Variants in ABCC6 observed in about 807,000 individuals in gnomAD.
ABCC6 encodes the protein ATP-binding cassette sub-family C member 6.
In ABCC6, 126 loss-of-function variants were observed where a neutral mutation model predicts 169.5. The observed-to-expected ratio is 0.74, with a 90% CI of 0.64 to 0.86. The LOEUF (loss-of-function observed/expected upper bound fraction) is 0.86, where lower values mean the gene tolerates loss of function less well. Ranked by LOEUF, ABCC6 falls within the 40% of genes least tolerant of loss-of-function variation. ABCC6 has a pLI of 0.00. For missense variants in ABCC6, 1,733 were observed against 1,927.2 expected (o/e 0.90, Z 1.89); for synonymous variants, 752 against 814.7 (o/e 0.92, Z 1.31).
chr16:16,175,228 C>T (rs1286155182), intron 20 of ABCC6, among the ~76,000 whole-genome samples: 1 of 152,162 alleles, frequency 6.6e-6, no homozygotes, highest in Non-Finnish European at 1.5e-5. Context: ...GGGGGTCAGC[C>T]CCAATGGTCC....
intron 25 of ABCC6, among the ~76,000 whole-genome samples, 170 bp from the exon 26 acceptor site, chr16:16,159,753 C>T (rs2046656599): frequency 6.6e-6 from 1 of 152,188 alleles, no homozygotes; most frequent in South Asian, 2.1e-4. Flanking sequence ...GATTTGGATA[C>T]AACCAACAGG....
Position 16,182,794 on chromosome 16 carries a change from G to A in ABCC6, c.2070+10C>T, listed in dbSNP as rs928190650. ...GGACATCCTAGCAGACAGGCTGGGG[G>A]TGGCCTCACCTCGATGCTCACGAAC... On this transcript the variant is annotated intron_variant, in intron 16 of 30. Coordinates refer to ENST00000205557, the MANE Select transcript of ABCC6 (RefSeq NM_001171.6). The A allele has an allele frequency of 2.5e-6, 4 of 1,613,914 alleles. No individual in the cohort carries two copies. The East Asian group carries it at 8.9e-5, about 36-fold the overall frequency.
chr16:16,216,132 T>C (rs879126338), intron 4 of ABCC6, among the ~76,000 whole-genome samples: 55 of 150,584 alleles, frequency 3.7e-4, no homozygotes, highest in Middle Eastern at 3.4e-3. Flanking sequence ...ATGTTGCCCA[T>C]GCTGGTCTTG....
intron 21 of ABCC6, among the ~76,000 whole-genome samples, chr16:16,170,906 T>C (rs7498292): frequency 0.99 from 126,320 of 127,906 alleles, 62,393 homozygotes; most frequent in Middle Eastern, 1. Context: ...GCGACAAGAG[T>C]GAAACTCTGT....
At chr16:16,196,865 C>G (rs565478058) in intron 10 of ABCC6, among the ~76,000 whole-genome samples, 10 of 152,138 alleles carry the variant, frequency 6.6e-5, no homozygotes, top group African/African-American at 2.4e-4. Flanking sequence ...CTATGCCCGG[C>G]TAATTTTTGT....
chr16:16,188,285 G>T (rs1261314830), intron 13 of ABCC6, among the ~76,000 whole-genome samples: 1 of 151,616 alleles, frequency 6.6e-6, no homozygotes, highest in Non-Finnish European at 1.5e-5. Flanking sequence ...CCAGCTACTT[G>T]GCAGGCTGGG....
intron 11 of ABCC6, among the ~76,000 whole-genome samples, chr16:16,190,800 C>T (rs898920728): frequency 6.6e-6 from 1 of 150,424 alleles, no homozygotes; most frequent in Non-Finnish European, 1.5e-5. Context: ...TCCTAAAATG[C>T]TGGGATTACA....
chr16:16,181,411 G>C (rs1396420682), intron 17 of ABCC6, among the ~76,000 whole-genome samples: 1 of 151,886 alleles, frequency 6.6e-6, no homozygotes, highest in African/African-American at 2.4e-5. Flanking sequence ...AACAATAGTA[G>C]GGTGGCTGTG....
chr16:16,156,941 T>C (rs923235054), intron 27 of ABCC6, among the ~76,000 whole-genome samples: 4 of 23,566 alleles, frequency 1.7e-4, no homozygotes, highest in Admixed American at 5.9e-4. Context: ...AGACTCTGTC[T>C]CAAAAAAAAA....
Position 16,187,108 on chromosome 16 carries a change from C to T in ABCC6, c.1867+16G>A, listed in dbSNP as rs1191997479. The T allele has an allele frequency of 1.2e-6, 2 of 1,609,694 alleles. No individual in the cohort carries two copies. Among genetic ancestry groups the T allele is most frequent in the East Asian group, 4.5e-5 (2 of 44,826 alleles). On this transcript the variant is annotated intron_variant, in intron 14 of 30. Coordinates refer to ENST00000205557, the MANE Select transcript of ABCC6 (RefSeq NM_001171.6). ...CCCATCCCTCCCACACCCCTCCTGCCAGACTCAGCACTCACCGCTTCCAGA... is the reference window on the plus strand; with the variant it reads ...CCCATCCCTCCCACACCCCTCCTGCTAGACTCAGCACTCACCGCTTCCAGA...
At chr16:16,189,895 A>G (rs978995192) in intron 12 of ABCC6, among the ~76,000 whole-genome samples, 1 of 152,134 alleles carries the variant, frequency 6.6e-6, no homozygotes, top group African/African-American at 2.4e-5. Flanking sequence ...ACCCCCCTGC[A>G]TCTGTACCCT....
intron 4 of ABCC6, among the ~76,000 whole-genome samples, chr16:16,215,002 G>T (rs2048804293): frequency 6.6e-6 from 1 of 152,208 alleles, no homozygotes; most frequent in Admixed American, 6.5e-5. Flanking sequence ...GCCACATGAT[G>T]ATTGGCCACA....
At chr16:16,158,825 C>T (rs1432191013) in intron 26 of ABCC6, among the ~76,000 whole-genome samples, 1 of 152,020 alleles carries the variant, frequency 6.6e-6, no homozygotes, top group African/African-American at 2.4e-5. Context: ...GTTACTGTTA[C>T]ATTGTTATGT....
chr16:16,155,130 C>A, intron 27 of ABCC6, 99 bp from the exon 28 acceptor site: 1 of 1,400,142 alleles, frequency 7.1e-7, no homozygotes, highest in East Asian at 2.5e-5. Context: ...TCTATCCATC[C>A]CTCATTGTGT....
chr16:16,160,304 G>C (rs1190501932), intron 25 of ABCC6, among the ~76,000 whole-genome samples: 1 of 152,130 alleles, frequency 6.6e-6, no homozygotes, highest in Non-Finnish European at 1.5e-5. Flanking sequence ...TAATAACAGT[G>C]CTTCTCTGAT....
chr16:16,169,774 C>A lies in ABCC6; in HGVS notation c.2867G>T (p.Cys956Phe). 6.3e-7 allele frequency: 1 copy of A among 1,593,712 alleles called. No individual in the cohort carries two copies. The highest frequency in any genetic ancestry group is 2.3e-5 in the East Asian group (1 of 43,780). The part of the protein sequence containing the change: ...LCLYALFLFL[C>F]QQVASFCRGY... ...CCGGCAGAAGGAGGCCACTTGCTGG[C>A]AGAGGAAGAGGAAGAGTGCGTAGAG... The change falls in exon 22 of 31, where the codon TGC (cysteine) becomes TTC (phenylalanine). Residue 956 changes from cysteine to phenylalanine, a missense_variant. Cys to Phe is a radical substitution (Grantham distance 205). This residue lies in a region of ABCC6 where 1,601 missense variants were observed against 1,635.5 expected (regional missense o/e 0.98). Transcript: ENST00000205557.
At chr16:16,203,857 G>T (rs1232089554) in intron 7 of ABCC6, among the ~76,000 whole-genome samples, 1 of 152,074 alleles carries the variant, frequency 6.6e-6, no homozygotes, top group Admixed American at 6.6e-5. Context: ...AAGCACACCT[G>T]TTGAGCACCT....
intron 22 of ABCC6, among the ~76,000 whole-genome samples, chr16:16,167,974 A>T (rs1213823444): frequency 6.6e-6 from 1 of 152,182 alleles, no homozygotes; most frequent in Non-Finnish European, 1.5e-5. Flanking sequence ...GAGAATCCCT[A>T]ATTTCCTCTT....
intron 22 of ABCC6, 117 bp from the exon 23 acceptor site, chr16:16,166,050 CTGAT>C (rs1159422202): frequency 2.9e-6 from 3 of 1,020,716 alleles, no homozygotes; most frequent in African/African-American, 3.2e-5. Context: ...CTTGGCCACC[CTGAT>C]TATTATATTT....
Sources: allele counts gnomAD v4.1 joint callset (sites outside exome capture counted in the v4.1 genomes callset), GRCh38; gene constraint gnomAD v4.1.1; regional missense constraint gnomAD v4.1.1; transcripts MANE v1.5; gene names NCBI Gene and HGNC (gene_info 2026-07-23, HGNC 2026-07-21).